Variants in PTPN3 observed in about 807,000 individuals in gnomAD.
The protein encoded by PTPN3 is tyrosine-protein phosphatase non-receptor type 3.
In PTPN3, 96 loss-of-function variants were observed where a neutral mutation model predicts 132.7. That is an observed-to-expected ratio of 0.72 (90% CI 0.61 to 0.86). The LOEUF is 0.86. Ranked by LOEUF, PTPN3 falls within the 40% of genes least tolerant of loss-of-function variation. PTPN3 has a pLI of 0.00. For synonymous variants in PTPN3, 398 were observed against 429.0 expected (o/e 0.93, Z 0.89); for missense variants, 1,125 against 1,159.6 (o/e 0.97, Z 0.43).
intron 1 of PTPN3, among the ~76,000 whole-genome samples, chr9:109,467,367 C>A (rs1389228208): frequency 6.6e-6 from 1 of 152,030 alleles, no homozygotes; most frequent in Non-Finnish European, 1.5e-5. Flanking sequence ...CTGCCTGTCC[C>A]CGCACCCCCA....
At chr9:109,409,022 C>T (rs1486357176) in intron 16 of PTPN3, among the ~76,000 whole-genome samples, 1 of 151,650 alleles carries the variant, frequency 6.6e-6, no homozygotes. Flanking sequence ...AGGCGACCAC[C>T]TGCCCTCACT....
intron 1 of PTPN3, among the ~76,000 whole-genome samples, chr9:109,492,416 TG>T (rs962266783): frequency 6.6e-6 from 1 of 152,232 alleles, no homozygotes; most frequent in Non-Finnish European, 1.5e-5. Context: ...CCTGTGGTCC[TG>T]GCTGAGGAGG....
chr9:109,488,846 T>A (rs12002395), intron 1 of PTPN3, among the ~76,000 whole-genome samples: 51,483 of 151,972 alleles, frequency 0.34, 9,221 homozygotes, highest in East Asian at 0.62. Flanking sequence ...CCTGCCTGGT[T>A]TCTCTGCATC....
chr9:109,445,783 G>T (rs1235638415), intron 6 of PTPN3, among the ~76,000 whole-genome samples: 2 of 152,138 alleles, frequency 1.3e-5, no homozygotes, highest in Admixed American at 6.5e-5. Flanking sequence ...AAGTAGAAAG[G>T]TATTTTCAAT....
At chr9:109,508,069 G>A in the PTPN3 span, among the ~76,000 whole-genome samples, 1 of 151,916 alleles carries the variant, frequency 6.6e-6, no homozygotes, top group South Asian at 2.1e-4. Context: ...CCTGGTTAAG[G>A]TCCATCTCAG....
the PTPN3 span, among the ~76,000 whole-genome samples, chr9:109,527,442 C>A: frequency 1.3e-5 from 2 of 151,848 alleles, no homozygotes; most frequent in African/African-American, 4.8e-5. Flanking sequence ...GCTTGGATAA[C>A]GGAGCGAGAC....
chr9:109,417,609 A>G, intron 14 of PTPN3: 2 of 984,094 alleles, frequency 2.0e-6, no homozygotes, highest in Non-Finnish European at 1.2e-6. Flanking sequence ...GGGGGTTCCC[A>G]GACCCTCAGG....
chr9:109,517,295 C>A, the PTPN3 span, among the ~76,000 whole-genome samples: 2 of 152,180 alleles, frequency 1.3e-5, no homozygotes, highest in African/African-American at 4.8e-5. Flanking sequence ...TGCTCAGTTA[C>A]ATTGGATGAA....
intron 5 of PTPN3, 103 bp downstream of exon 5, chr9:109,454,393 C>T (rs1845451339): frequency 1.0e-6 from 1 of 979,952 alleles, no homozygotes; most frequent in Non-Finnish European, 1.6e-6. Flanking sequence ...TGTAGTTACA[C>T]CCAAATGAAG....
the PTPN3 span, chr9:109,533,297 A>G: frequency 5.0e-6 from 2 of 402,950 alleles, no homozygotes; most frequent in Non-Finnish European, 4.6e-6. Flanking sequence ...GGCGCCCGCC[A>G]CCGCGCCCGG....
chr9:109,500,535 T>G (rs1847850207), upstream of PTPN3, among the ~76,000 whole-genome samples: 1 of 151,860 alleles, frequency 6.6e-6, no homozygotes, highest in Non-Finnish European at 1.5e-5. Context: ...ATTAATTAGG[T>G]TATGGTATAT....
At chr9:109,530,493 T>C in the PTPN3 span, among the ~76,000 whole-genome samples, 1 of 152,234 alleles carries the variant, frequency 6.6e-6, no homozygotes, top group Admixed American at 6.5e-5. Flanking sequence ...GTTGCTTCTA[T>C]TTTTGGGGTA....
the PTPN3 span, among the ~76,000 whole-genome samples, chr9:109,504,018 A>C: frequency 1.3e-5 from 2 of 152,228 alleles, no homozygotes; most frequent in African/African-American, 4.8e-5. Flanking sequence ...GAGCAGGGTA[A>C]GTATAGTAGG....
At chr9:109,438,633 G>A (rs1251406518) in intron 7 of PTPN3, among the ~76,000 whole-genome samples, 2 of 152,328 alleles carry the variant, frequency 1.3e-5, no homozygotes, top group South Asian at 4.1e-4. Flanking sequence ...CACACACGGT[G>A]CAGGCTTTCT....
chr9:109,417,664 C>A (rs139265184), intron 14 of PTPN3: 1 of 985,178 alleles, frequency 1.0e-6, no homozygotes, highest in South Asian at 4.7e-5. Context: ...GGCTTCCCAC[C>A]GGCAGGAAGA....
Position 109,382,422 on chromosome 9 carries a change from T to A in PTPN3, c.2408A>T (p.His803Leu), listed in dbSNP as rs746530947. ...GTCAGGCCATGCGACGTACTGGAGA[T>A]GTGTCACTGTGTGTTCTTCCCCGGT... ...TQTGEEHTVT[H>L]LQYVAWPDHG... Residue 803 changes from histidine (H) to leucine (L), a missense_variant, in exon 24 of 26, where the codon CAT becomes CTT. Physicochemically the swap from His to Leu is moderately conservative, Grantham distance 99 (BLOSUM62 -3). Coordinates refer to ENST00000374541, the MANE Select transcript of PTPN3 (RefSeq NM_002829.4). 2.5e-6 allele frequency: 4 copies of A among 1,614,190 alleles called. No homozygotes were observed. In the South Asian group the frequency reaches 4.4e-5, roughly 18 times the overall value.
At chr9:109,434,695 A>C (rs1404816919) in intron 9 of PTPN3, among the ~76,000 whole-genome samples, 1 of 152,204 alleles carries the variant, frequency 6.6e-6, no homozygotes, top group Non-Finnish European at 1.5e-5. Context: ...CTAGCTATAT[A>C]ATGTTGGGCT....
At chr9:109,471,616 C>T (rs561120578) in intron 1 of PTPN3, among the ~76,000 whole-genome samples, 25 of 151,932 alleles carry the variant, frequency 1.6e-4, no homozygotes, top group East Asian at 7.7e-4. Flanking sequence ...TTATCTTCCC[C>T]GATCCACAAT....
chr9:109,479,698 G>C (rs1448134102), intron 1 of PTPN3, among the ~76,000 whole-genome samples: 1 of 152,172 alleles, frequency 6.6e-6, no homozygotes, highest in South Asian at 2.1e-4. Context: ...TCCCATCTCA[G>C]CTTCCCTAGT....
Sources: gnomAD v4.1 joint callset for allele counts (sites outside exome capture counted in the v4.1 genomes callset) on GRCh38, gnomAD v4.1.1 for gene constraint, MANE v1.5 for transcripts, NCBI Gene and HGNC (gene_info 2026-07-23, HGNC 2026-07-21) for gene names.